The following SGCZ variants were observed in gnomAD, a reference collection of about 807,000 sequenced individuals.
SGCZ encodes zeta-sarcoglycan.
A neutral mutation model predicts 41.3 loss-of-function variants in SGCZ; 40 were observed. That is an observed-to-expected ratio of 0.97 (90% CI 0.75 to 1.26). The LOEUF is 1.26. SGCZ is among the 50% of genes most tolerant of loss of function. The probability of loss-of-function intolerance (pLI) is 0.00; values close to 1 mark genes in which losing one functional copy is unlikely to be tolerated. For missense variants in SGCZ, 552 were observed against 369.8 expected, an observed-to-expected ratio of 1.49 and a Z score of -4.04; for synonymous variants, 206 against 137.5, an observed-to-expected ratio of 1.50 and a Z score of -3.49.
At chr8:14,426,568 C>G (rs1563321595) in intron 2 of SGCZ, among the ~76,000 whole-genome samples, 2 of 151,922 alleles carry the variant, frequency 1.3e-5, no homozygotes, top group South Asian at 4.2e-4. Flanking sequence ...CGATCATACG[C>G]CTAAGGGAGA....
chr8:14,428,733 T>A (rs13272510), intron 2 of SGCZ, among the ~76,000 whole-genome samples: 4 of 152,208 alleles, frequency 2.6e-5, no homozygotes, highest in Non-Finnish European at 5.9e-5. Flanking sequence ...TTAAGAAGGC[T>A]CTGGTAGTTC....
rs568810634 is a variant in SGCZ, at chr8:15,044,018, C to T, written c.39+193567G>A. Among the ~76,000 whole-genome samples the T allele has an allele frequency of 4.6e-5, 7 of 152,260 alleles. No homozygotes were observed. In the South Asian group the frequency reaches 1.2e-3, roughly 27 times the overall value. On this transcript the variant is annotated intron_variant, in intron 1 of 7. Transcript: ENST00000382080. ...CTTCAATGCAGAGAACTCCAAACCA[C>T]TCTGCCTATATTGCCATGCTTTCCT...
At chr8:14,322,152 G>C (rs940160657) in intron 3 of SGCZ, among the ~76,000 whole-genome samples, 2 of 152,140 alleles carry the variant, frequency 1.3e-5, no homozygotes, top group Non-Finnish European at 2.9e-5. Flanking sequence ...TGAAGTGTAT[G>C]TGCAGAGAAT....
chr8:14,148,029 C>T (rs975966639), intron 5 of SGCZ, among the ~76,000 whole-genome samples: 8 of 151,870 alleles, frequency 5.3e-5, no homozygotes. Flanking sequence ...CACAACATAC[C>T]AAAACCTATG....
intron 1 of SGCZ, among the ~76,000 whole-genome samples, chr8:14,881,158 T>C (rs1804572092): frequency 6.6e-6 from 1 of 152,148 alleles, no homozygotes; most frequent in African/African-American, 2.4e-5. Flanking sequence ...AATACAATTT[T>C]CCTAATATTA....
intron 1 of SGCZ, among the ~76,000 whole-genome samples, chr8:15,169,487 T>G (rs1585635095): frequency 6.6e-6 from 1 of 152,196 alleles, no homozygotes. Context: ...GAACACTGTC[T>G]CACTCACCTT....
chr8:14,478,093 C>A (rs944323627), intron 2 of SGCZ, among the ~76,000 whole-genome samples: 5 of 152,200 alleles, frequency 3.3e-5, no homozygotes, highest in African/African-American at 9.7e-5. Context: ...TCATTCACTG[C>A]AGAAATGAAA....
intron 2 of SGCZ, among the ~76,000 whole-genome samples, chr8:14,542,360 C>T (rs1803496514): frequency 6.6e-6 from 1 of 151,944 alleles, no homozygotes; most frequent in African/African-American, 2.4e-5. Context: ...AGGGCACTAT[C>T]AACAAAATTG....
At chr8:14,926,486 T>G (rs1232548869) in intron 1 of SGCZ, among the ~76,000 whole-genome samples, 1 of 149,568 alleles carries the variant, frequency 6.7e-6, no homozygotes, top group East Asian at 2.0e-4. Flanking sequence ...GCATCTCAGA[T>G]GTACTGTTTC....
chr8:14,460,959 C>T (rs143064398), intron 2 of SGCZ, among the ~76,000 whole-genome samples: 265 of 152,236 alleles, frequency 1.7e-3, no homozygotes, highest in Middle Eastern at 3.4e-3. Context: ...GATCCTGAAC[C>T]TAGATTTTGA....
At chr8:14,127,045 C>G (rs1258506245) in intron 5 of SGCZ, among the ~76,000 whole-genome samples, 2 of 151,910 alleles carry the variant, frequency 1.3e-5, no homozygotes, top group Admixed American at 6.6e-5. Context: ...ACCGAGGTGA[C>G]AAGTTGATAG....
At chr8:14,167,580 G>A (rs1038552263) in intron 4 of SGCZ, among the ~76,000 whole-genome samples, 15 of 151,838 alleles carry the variant, frequency 9.9e-5, no homozygotes, top group Middle Eastern at 3.2e-3. Context: ...GATAGAAGAA[G>A]GAAAGAGAAT....
intron 1 of SGCZ, among the ~76,000 whole-genome samples, chr8:15,002,554 G>A (rs1439212874): frequency 6.6e-6 from 1 of 152,048 alleles, no homozygotes; most frequent in Admixed American, 6.6e-5. Context: ...CTGGTAGGTA[G>A]CACGAAACAC....
At chr8:15,029,789 T>C (rs1475140350) in intron 1 of SGCZ, among the ~76,000 whole-genome samples, 1 of 152,172 alleles carries the variant, frequency 6.6e-6, no homozygotes, top group Non-Finnish European at 1.5e-5. Context: ...AAAAACTTTA[T>C]AATCTATTTC....
At chr8:14,220,939 TTAAGA>T (rs1254469291) in intron 4 of SGCZ, among the ~76,000 whole-genome samples, 1 of 152,194 alleles carries the variant, frequency 6.6e-6, no homozygotes, top group South Asian at 2.1e-4. Context: ...GTTGTCATTG[TTAAGA>T]TAACACAATC....
At chr8:14,594,908 T>C (rs1413440196) in intron 1 of SGCZ, among the ~76,000 whole-genome samples, 1 of 151,964 alleles carries the variant, frequency 6.6e-6, no homozygotes, top group Non-Finnish European at 1.5e-5. Flanking sequence ...GTTATATTGC[T>C]GTAAGTCACT....
At chr8:14,741,147 T>C (rs990513555) in intron 1 of SGCZ, among the ~76,000 whole-genome samples, 4 of 152,076 alleles carry the variant, frequency 2.6e-5, no homozygotes, top group African/African-American at 9.7e-5. Flanking sequence ...TGTATTTAAC[T>C]ATGAAGGACG....
chr8:14,615,389 C>T (rs763184787), intron 1 of SGCZ, among the ~76,000 whole-genome samples: 3 of 152,300 alleles, frequency 2.0e-5, no homozygotes, highest in Middle Eastern at 3.4e-3. Flanking sequence ...TGTATCTGGC[C>T]CATAAAAGCT....
intron 1 of SGCZ, among the ~76,000 whole-genome samples, chr8:15,235,000 T>C (rs994286452): frequency 3.3e-5 from 5 of 152,220 alleles, no homozygotes; most frequent in Non-Finnish European, 4.4e-5. Context: ...AAGTTCTGTG[T>C]GGATGTGTTT....
Sources: gnomAD v4.1 joint callset for allele counts (sites outside exome capture counted in the v4.1 genomes callset) on GRCh38, gnomAD v4.1.1 for gene constraint, MANE v1.5 for transcripts, NCBI Gene and HGNC (gene_info 2026-07-23, HGNC 2026-07-21) for gene names.